The following KIAA0513 variants were observed in gnomAD, a reference collection of about 807,000 sequenced individuals.
KIAA0513 encodes KIAA0513.
In KIAA0513, 39 loss-of-function variants were observed where a neutral mutation model predicts 56.5. The observed-to-expected ratio is 0.69, with a 90% CI of 0.53 to 0.90. The LOEUF (loss-of-function observed/expected upper bound fraction) is 0.90. KIAA0513 is among the 40% of genes least tolerant of loss of function. The pLI is 0.00. For missense variants in KIAA0513, 591 were observed against 535.2 expected (o/e 1.10, Z -1.03); for synonymous variants, 268 against 215.6 (o/e 1.24, Z -2.13).
At chr16:85,034,489 GC>G (rs2073008507) in intron 1 of KIAA0513, among the ~76,000 whole-genome samples, 1 of 152,174 alleles carries the variant, frequency 6.6e-6, no homozygotes. Context: ...TAAATGTGGG[GC>G]AAGAGTGTGG....
In KIAA0513 at chr16:85,076,628, T is replaced by G. The variant is rs2144062325; in HGVS notation, c.574+714T>G. Among the ~76,000 whole-genome samples the G allele has an allele frequency of 6.6e-6, 1 of 152,146 alleles. No individual in the cohort carries two copies. The highest frequency in any genetic ancestry group is 1.5e-5 in the Non-Finnish European group (1 of 67,990). On this transcript the variant is annotated intron_variant, in intron 5 of 12. Coordinates refer to ENST00000683363, the MANE Select transcript of KIAA0513 (RefSeq NM_001388359.1). This position sits in a 1 kb window ranked among gnomAD's most constrained non-coding sequence, Gnocchi z 4.7. ...CCCGCGTGCTCACTCTTGGGGTGTA[T>G]GTATCCCCTCCCCCTCCCACAGCCA... is the stretch of plus-strand genomic sequence containing the variant.
At position 85,088,628 on chromosome 16, in the gene KIAA0513, T is replaced by G; in HGVS notation, c.*303T>G. The G allele has an allele frequency of 2.8e-6, 1 of 360,702 alleles. No homozygotes were observed. Among genetic ancestry groups the G allele is most frequent in the Non-Finnish European group, 5.1e-6 (1 of 196,346 alleles). The allele number at this position is 360,702 out of a possible 1,614,324, so 22.3% of individuals were successfully genotyped here. A position where few individuals can be genotyped will look rare whatever the true frequency, so the allele number is the denominator to read the frequency against. ...GACCAAGAGGGAGGAGGGGAAGGAC[T>G]CCATGGGCCATCGTGGGCCAAGGGC... is the stretch of plus-strand genomic sequence containing the variant. On this transcript the variant is annotated 3_prime_UTR_variant, in exon 13 of 13. Coordinates refer to ENST00000683363, the MANE Select transcript of KIAA0513 (RefSeq NM_001388359.1).
At chr16:85,072,783 T>C (rs2073597104) in intron 3 of KIAA0513, 142 bp from the exon 4 acceptor site, 5 of 771,754 alleles carry the variant, frequency 6.5e-6, no homozygotes, top group Non-Finnish European at 1.1e-5. Context: ...AGGGGTGGGT[T>C]CTATAGTGCA....
intron 1 of KIAA0513, among the ~76,000 whole-genome samples, chr16:85,042,296 G>A (rs1275058552): frequency 6.6e-6 from 1 of 152,126 alleles, no homozygotes; most frequent in Non-Finnish European, 1.5e-5. Flanking sequence ...AATCACGTGC[G>A]GTCTGTGTGT....
intron 8 of KIAA0513, 88 bp downstream of exon 8, chr16:85,079,091 C>G: frequency 3.8e-6 from 6 of 1,599,278 alleles, no homozygotes; most frequent in South Asian, 2.2e-5. Flanking sequence ...GCCTTTGTCC[C>G]CATCAGAATG....
At chr16:85,035,099 T>G (rs1353118945) in intron 1 of KIAA0513, among the ~76,000 whole-genome samples, 1 of 151,974 alleles carries the variant, frequency 6.6e-6, no homozygotes, top group Admixed American at 6.6e-5. Context: ...CACCTGGCTG[T>G]CAAAATCCCA....
intron 1 of KIAA0513, among the ~76,000 whole-genome samples, chr16:85,041,685 C>T (rs1028029511): frequency 2.0e-5 from 3 of 152,202 alleles, no homozygotes; most frequent in Non-Finnish European, 4.4e-5. Flanking sequence ...CTGTCCTCTT[C>T]AGCCTCCGGT....
intron 1 of KIAA0513, among the ~76,000 whole-genome samples, chr16:85,058,492 A>G (rs562208323): frequency 6.6e-6 from 1 of 152,182 alleles, no homozygotes; most frequent in South Asian, 2.1e-4. Flanking sequence ...ATCTGTACTA[A>G]AAGTACAAAA....
At position 85,032,045 on chromosome 16, in the gene KIAA0513, T is replaced by G. The variant is rs547118152; in HGVS notation, c.-173+4187T>G. ...GGGGCTTAAAGCAACCGAAATTTAT[T>G]CTCACAGTTCTGGAGAACAGAAGTC... On this transcript the variant is annotated intron_variant, in intron 1 of 12. Transcript: ENST00000683363. Among the ~76,000 whole-genome samples the G allele has an allele frequency of 4.7e-4, 71 of 152,270 alleles. No individual in the cohort carries two copies. The South Asian group carries it at 5.4e-3, about 12-fold the overall frequency.
rs1055458658 is a variant in KIAA0513, at chr16:85,081,533, C to T, written c.980+141C>T. Reference sequence around the variant, plus strand: ...TCTTCACCCCCTCATGGCCCTGGTGCCTCGCAAGCTGCCTGAGGGGTCACA... The same window carrying T: ...TCTTCACCCCCTCATGGCCCTGGTGTCTCGCAAGCTGCCTGAGGGGTCACA... On this transcript the variant is annotated intron_variant, in intron 9 of 12. Coordinates refer to ENST00000683363, the MANE Select transcript of KIAA0513 (RefSeq NM_001388359.1). The surrounding 1 kb of genome is among the most constrained non-coding windows in gnomAD (Gnocchi z 4.4). 6.6e-6 allele frequency: 5 copies of T among 761,070 alleles called. No homozygotes were observed. Among genetic ancestry groups the T allele is most frequent in the Non-Finnish European group, 1.1e-5 (5 of 444,538 alleles). The allele number at this position is 761,070 out of a possible 1,614,324, so 47.1% of individuals were successfully genotyped here.
intron 10 of KIAA0513, among the ~76,000 whole-genome samples, chr16:85,084,126 A>G (rs915401174): frequency 2.1e-5 from 3 of 145,052 alleles, no homozygotes; most frequent in African/African-American, 7.8e-5. Context: ...CAGTGGCACA[A>G]TCTCAGCTCA....
At chr16:85,050,573 C>A (rs2073238868) in intron 1 of KIAA0513, among the ~76,000 whole-genome samples, 1 of 152,146 alleles carries the variant, frequency 6.6e-6, no homozygotes, top group Non-Finnish European at 1.5e-5. Flanking sequence ...GCCTCGGCTT[C>A]CCAAAGTGCT....
chr16:85,071,921 CAAG>C, intron 3 of KIAA0513, 39 bp downstream of exon 3: 2 of 1,319,620 alleles, frequency 1.5e-6, no homozygotes, highest in Non-Finnish European at 2.2e-6. Flanking sequence ...CGTTTACTCT[CAAG>C]GAAGAATCTA....
At chr16:85,056,467 C>T (rs912044403) in intron 1 of KIAA0513, among the ~76,000 whole-genome samples, 15 of 152,320 alleles carry the variant, frequency 9.8e-5, no homozygotes, top group African/African-American at 3.1e-4. Flanking sequence ...TCACAGCCCA[C>T]CCCACGGGAA....
chr16:85,055,608 C>T (rs2073317238), intron 1 of KIAA0513, among the ~76,000 whole-genome samples: 1 of 152,242 alleles, frequency 6.6e-6, no homozygotes, highest in Admixed American at 6.5e-5. Flanking sequence ...GCCCTCACCA[C>T]TTCCCCTTCT....
chr16:85,065,517 C>A (rs2144003298), intron 1 of KIAA0513, among the ~76,000 whole-genome samples: 1 of 152,348 alleles, frequency 6.6e-6, no homozygotes, highest in Admixed American at 6.5e-5. Context: ...AGCCTTTTCT[C>A]TTTCTGACTC....
rs2073853299 is a variant in KIAA0513, at chr16:85,090,131, A to G, written c.*1806A>G. 6.6e-6 allele frequency: 1 copy of G among 151,850 alleles called. No individual in the cohort carries two copies. The highest frequency in any genetic ancestry group is 1.5e-5 in the Non-Finnish European group (1 of 67,968). 9.4% of individuals were successfully genotyped at this position (151,850 alleles called of 1,614,324 possible). A position where few individuals can be genotyped will look rare whatever the true frequency, so the allele number is the denominator to read the frequency against. ...CAACGGGCATGTCTCCACCGAATCCATTTAGAGAAATGTCAGAGCGAGGGT... is the reference window on the plus strand; with the variant it reads ...CAACGGGCATGTCTCCACCGAATCCGTTTAGAGAAATGTCAGAGCGAGGGT... On this transcript the variant is annotated 3_prime_UTR_variant, in exon 13 of 13. Coordinates refer to ENST00000683363, the MANE Select transcript of KIAA0513 (RefSeq NM_001388359.1).
intron 1 of KIAA0513, among the ~76,000 whole-genome samples, chr16:85,051,724 A>G (rs1487250646): frequency 6.6e-6 from 1 of 152,070 alleles, no homozygotes; most frequent in Non-Finnish European, 1.5e-5. Context: ...CTCATGTGAT[A>G]TGATTATTAG....
chr16:85,082,710 G>C, intron 10 of KIAA0513, 117 bp downstream of exon 10: 1 of 1,063,506 alleles, frequency 9.4e-7, no homozygotes, highest in South Asian at 1.5e-5. Context: ...CCCAGACGCA[G>C]GTGCAGCCTG....
Sources: gnomAD v4.1 joint callset for allele counts (sites outside exome capture counted in the v4.1 genomes callset) on GRCh38, gnomAD v4.1.1 for gene constraint, Gnocchi (gnomAD v3.1) non-coding constraint, MANE v1.5 for transcripts, NCBI Gene and HGNC (gene_info 2026-07-23, HGNC 2026-07-21) for gene names.